The following ENPP2 variants were observed in gnomAD, a reference collection of about 807,000 sequenced individuals.
ENPP2 encodes ectonucleotide pyrophosphatase/phosphodiesterase 2, also known as autotaxin.
Under a neutral mutation model 120.2 loss-of-function variants are expected in ENPP2, and 51 were observed. That is an observed-to-expected ratio of 0.42 (90% CI 0.34 to 0.54). ENPP2 has a LOEUF of 0.54. ENPP2 is among the 20% of genes least tolerant of loss of function. ENPP2 has a pLI of 0.04. For missense variants in ENPP2, 920 were observed against 1,066.5 expected, an observed-to-expected ratio of 0.86 and a Z score of 1.91; for synonymous variants, 365 against 366.4, an observed-to-expected ratio of 1.00 and a Z score of 0.04.
intron 1 of ENPP2, among the ~76,000 whole-genome samples, chr8:119,662,507 C>A (rs1185475633): frequency 1.3e-5 from 2 of 152,154 alleles, no homozygotes; most frequent in African/African-American, 4.8e-5. Flanking sequence ...AGGGGTGGGG[C>A]TCAGCAGCAG....
intron 8 of ENPP2, 88 bp downstream of exon 8, chr8:119,616,177 T>C (rs947116362): frequency 1.5e-6 from 2 of 1,297,804 alleles, no homozygotes; most frequent in Non-Finnish European, 2.1e-6. Flanking sequence ...ATTATACGCA[T>C]TTTTTCCACA....
intron 22 of ENPP2, among the ~76,000 whole-genome samples, chr8:119,567,469 C>T (rs889372463): frequency 1.3e-5 from 2 of 152,170 alleles, no homozygotes; most frequent in Non-Finnish European, 2.9e-5. Context: ...GGTCACACTC[C>T]AGGAACTTGG....
Position 119,561,815 on chromosome 8 carries a change from T to TG in ENPP2, c.2421+1041_2421+1042insC, listed in dbSNP as rs1563663474. ...TGTGTGTGTGTGTGTGTGTGTGTGT[T>TG]TGTGTGTGTGTGTGTATGTGTGTGT... is the stretch of plus-strand genomic sequence containing the variant. On this transcript the variant is annotated intron_variant, in intron 24 of 24. Transcript: ENST00000075322. Among the ~76,000 whole-genome samples, 24 of 121,726 alleles carry TG rather than the reference T, an allele frequency of 2.0e-4. No individual in the cohort carries two copies. In the East Asian group the frequency reaches 3.5e-3, roughly 18 times the overall value. The allele number at this position is 121,726 out of a possible 152,430, so 79.9% of individuals were successfully genotyped here.
intron 18 of ENPP2, 194 bp from the exon 19 acceptor site, chr8:119,580,361 T>A: frequency 3.3e-6 from 2 of 604,150 alleles, no homozygotes; most frequent in Non-Finnish European, 5.9e-6. Flanking sequence ...CTAGCAGTTC[T>A]ATGTTTGTAA....
intron 1 of ENPP2, among the ~76,000 whole-genome samples, chr8:119,671,178 G>A (rs904831937): frequency 3.0e-4 from 45 of 150,144 alleles, no homozygotes; most frequent in African/African-American, 1.1e-3. Context: ...GCAGGCACCC[G>A]TAATCCCAGC....
At chr8:119,638,574 T>C in intron 1 of ENPP2, 47 bp from the exon 2 acceptor site, 1 of 1,183,586 alleles carries the variant, frequency 8.4e-7, no homozygotes, top group Non-Finnish European at 1.3e-6. Context: ...TGGAGAAGAC[T>C]AAATCAAATT....
At chr8:119,668,818 A>G (rs1007560725) in intron 1 of ENPP2, among the ~76,000 whole-genome samples, 2 of 152,128 alleles carry the variant, frequency 1.3e-5, no homozygotes, top group Admixed American at 6.6e-5. Context: ...AACCTTAACT[A>G]TATAAAGCTG....
intron 22 of ENPP2, among the ~76,000 whole-genome samples, chr8:119,567,039 A>G (rs974643946): frequency 6.6e-6 from 1 of 152,062 alleles, no homozygotes; most frequent in Non-Finnish European, 1.5e-5. Flanking sequence ...TGTAGCTGAC[A>G]CTCCACAATC....
At chr8:119,619,693 A>C (rs966537668) in intron 4 of ENPP2, among the ~76,000 whole-genome samples, 1 of 151,996 alleles carries the variant, frequency 6.6e-6, no homozygotes, top group African/African-American at 2.4e-5. Context: ...AAGCATGGCA[A>C]AACTTCCCTT....
At chr8:119,662,050 A>G (rs1363766474) in intron 1 of ENPP2, among the ~76,000 whole-genome samples, 2 of 152,166 alleles carry the variant, frequency 1.3e-5, no homozygotes, top group African/African-American at 2.4e-5. Context: ...GTCAAAGGGT[A>G]CAAAGTTTTA....
At chr8:119,565,933 T>C (rs1814389540) in intron 22 of ENPP2, among the ~76,000 whole-genome samples, 1 of 152,096 alleles carries the variant, frequency 6.6e-6, no homozygotes, top group African/African-American at 2.4e-5. Flanking sequence ...TTTTTCATTG[T>C]AATTAGAGTG....
At chr8:119,604,140 G>A (rs1201166561) in intron 9 of ENPP2, among the ~76,000 whole-genome samples, 1 of 151,358 alleles carries the variant, frequency 6.6e-6, no homozygotes, top group Non-Finnish European at 1.5e-5. Context: ...CTATTCTCCT[G>A]CCTCAGCCTC....
At chr8:119,638,873 A>C (rs147979221), upstream of ENPP2, 22,754 of 1,524,888 alleles carry the variant, frequency 0.015, 198 homozygotes, top group Non-Finnish European at 0.018. Context: ...TATTAACTAT[A>C]AGCAATCCCA....
intron 9 of ENPP2, among the ~76,000 whole-genome samples, chr8:119,606,191 AAAAAATG>A (rs1814708049): frequency 1.3e-5 from 2 of 152,130 alleles, no homozygotes; most frequent in Non-Finnish European, 2.9e-5. Flanking sequence ...AAAAAAGGGG[AAAAAATG>A]AATCCAAGTC....
intron 9 of ENPP2, among the ~76,000 whole-genome samples, chr8:119,605,458 G>GTA (rs1563724770): frequency 2.0e-5 from 3 of 149,906 alleles, no homozygotes; most frequent in Non-Finnish European, 4.4e-5. Context: ...GTGTGTGTGT[G>GTA]TGTGTGTATT....
intron 1 of ENPP2, among the ~76,000 whole-genome samples, chr8:119,662,478 C>T (rs1432484844): frequency 6.6e-6 from 1 of 152,160 alleles, no homozygotes; most frequent in Non-Finnish European, 1.5e-5. Flanking sequence ...CACACCAGAC[C>T]TACTGGATCA....
At chr8:119,667,877 C>A (rs1267950412) in intron 1 of ENPP2, among the ~76,000 whole-genome samples, 1 of 152,184 alleles carries the variant, frequency 6.6e-6, no homozygotes, top group African/African-American at 2.4e-5. Context: ...CTGGCCTCAG[C>A]CACCACTCCA....
intron 10 of ENPP2, among the ~76,000 whole-genome samples, chr8:119,601,176 T>C (rs1343836179): frequency 1.3e-5 from 2 of 152,242 alleles, no homozygotes; most frequent in Non-Finnish European, 2.9e-5. Flanking sequence ...GGCTCTGCTG[T>C]AGTGGACAGA....
rs148715953 is a variant in ENPP2 at position 119,600,744 on chromosome 8, C to T, written c.906G>A (p.Ser302=). ...WLTLPDHERP[S]VYAFYSEQPD... is the part of the protein sequence containing the mutation. The stretch of plus-strand genomic sequence containing the variant: ...GTTGCTCAGAATAGAAGGCATAGAC[C>T]GAAGGCCTATAAGAAAATTGGAAGG... The change falls in exon 11 of 25, where the codon TCG becomes TCA. Residue 302 remains serine (S), a synonymous_variant. Transcript: ENST00000075322. 1.0e-3 allele frequency: 1,661 copies of T among 1,605,006 alleles called. 14 individuals carry two copies. The African/African-American group carries it at 0.02, about 19-fold the overall frequency.
Sources: gnomAD v4.1 joint callset for allele counts (sites outside exome capture counted in the v4.1 genomes callset) on GRCh38, gnomAD v4.1.1 for gene constraint, MANE v1.5 for transcripts, NCBI Gene and HGNC (gene_info 2026-07-23, HGNC 2026-07-21) for gene names.